HPGD: variants seen among roughly 807,000 people sequenced by gnomAD.
HPGD encodes the protein 15-hydroxyprostaglandin dehydrogenase [NAD(+)].
In HPGD, 29 loss-of-function variants were observed where a neutral mutation model predicts 30.0. The ratio of observed to expected loss-of-function variants is 0.97; its 90% confidence interval spans 0.72 to 1.32. The LOEUF is 1.32. Ranked by LOEUF, HPGD falls within the 40% of genes most tolerant of loss-of-function variation. HPGD has a pLI of 0.00. For missense variants in HPGD, 340 were observed against 322.1 expected (o/e 1.06, Z -0.43); for synonymous variants, 99 against 112.4 (o/e 0.88, Z 0.75).
At chr4:174,504,459 T>C (rs1440597776) in intron 4 of HPGD, among the ~76,000 whole-genome samples, 1 of 152,142 alleles carries the variant, frequency 6.6e-6, no homozygotes, top group Non-Finnish European at 1.5e-5. Context: ...ACTGAATATG[T>C]AGCAGGGTTG....
chr4:174,491,747 AC>A lies in HPGD; in HGVS notation c.*208del. 1 of 541,888 alleles carries A rather than the reference AC, an allele frequency of 1.8e-6. No individual in the cohort carries two copies. Among genetic ancestry groups the A allele is most frequent in the Non-Finnish European group, 3.3e-6 (1 of 302,026 alleles). The allele number at this position is 541,888 out of a possible 1,614,324, so 33.6% of individuals were successfully genotyped here. A position where few individuals can be genotyped will look rare whatever the true frequency, so the allele number is the denominator to read the frequency against. ...CATTTTTTAGACTATCAAGATTACAACCTAGCCTTTGGTCCACATCACATTT... is the reference window on the plus strand; with the variant it reads ...CATTTTTTAGACTATCAAGATTACAACTAGCCTTTGGTCCACATCACATTT... On this transcript the variant is annotated 3_prime_UTR_variant, in exon 7 of 7. Coordinates refer to ENST00000296522, the MANE Select transcript of HPGD (RefSeq NM_000860.6).
chr4:174,519,648 C>G (rs936454398), intron 2 of HPGD, among the ~76,000 whole-genome samples: 10 of 152,274 alleles, frequency 6.6e-5, no homozygotes, highest in African/African-American at 2.4e-4. Context: ...CATCTCCTGG[C>G]TCATCCTGGC....
At chr4:174,502,250 C>A (rs543796236) in intron 4 of HPGD, among the ~76,000 whole-genome samples, 1 of 152,204 alleles carries the variant, frequency 6.6e-6, no homozygotes, top group Non-Finnish European at 1.5e-5. Context: ...CGTGCATACA[C>A]CTGACCAAAG....
chr4:174,505,838 A>C (rs1411481249), intron 4 of HPGD, among the ~76,000 whole-genome samples: 4 of 152,196 alleles, frequency 2.6e-5, no homozygotes, highest in Non-Finnish European at 1.5e-5. Context: ...CAGAGGGAAC[A>C]ATGACAAACT....
At chr4:174,514,877 C>T (rs1156937905) in intron 3 of HPGD, among the ~76,000 whole-genome samples, 1 of 152,038 alleles carries the variant, frequency 6.6e-6, no homozygotes, top group African/African-American at 2.4e-5. Flanking sequence ...CAATAATGTC[C>T]AAGCTAAGAG....
At position 174,522,429 on chromosome 4, in the gene HPGD, G is replaced by A. The variant is rs986963526; in HGVS notation, c.23C>T (p.Ala8Val). The A allele has an allele frequency of 6.3e-7, 1 of 1,582,576 alleles. No individual in the cohort carries two copies. Among genetic ancestry groups the A allele is most frequent in the Non-Finnish European group, 8.6e-7 (1 of 1,165,240 alleles). Residue 8 changes from alanine to valine, a missense_variant, in exon 1 of 7, where the codon GCG becomes GTG. Physicochemically the swap from Ala to Val is moderately conservative, Grantham distance 64. Coordinates refer to ENST00000296522, the MANE Select transcript of HPGD (RefSeq NM_000860.6). ...GCCCTGAGCCGCGCCGGTCACCAGC[G>A]CCACTTTGCCGTTCACGTGCATGGT... MHVNGKV[A>V]LVTGAAQGIG...
chr4:174,509,882 C>T (rs1735388476), intron 3 of HPGD, among the ~76,000 whole-genome samples: 3 of 148,480 alleles, frequency 2.0e-5, no homozygotes, highest in African/African-American at 7.5e-5. Flanking sequence ...TGTGTAGGCA[C>T]TTTTCCTGTT....
intron 3 of HPGD, among the ~76,000 whole-genome samples, chr4:174,512,600 A>T (rs1286836042): frequency 1.3e-5 from 2 of 152,224 alleles, no homozygotes; most frequent in Non-Finnish European, 2.9e-5. Context: ...TTTGCATTAC[A>T]GTAACAGAGA....
intron 4 of HPGD, among the ~76,000 whole-genome samples, chr4:174,502,240 C>G (rs1436275530): frequency 2.0e-5 from 3 of 152,186 alleles, no homozygotes; most frequent in African/African-American, 7.2e-5. Flanking sequence ...ATCTACGATT[C>G]GTGCATACAC....
In HPGD at chr4:174,517,977, A is replaced by G; in HGVS notation, c.318T>C (p.Ile106=). The G allele has an allele frequency of 1.3e-6, 2 of 1,511,492 alleles. No homozygotes were observed. Among genetic ancestry groups the G allele is most frequent in the Non-Finnish European group, 1.8e-6 (2 of 1,087,004 alleles). The allele number at this position is 1,511,492 out of a possible 1,614,324, so 93.6% of individuals were successfully genotyped here. Reference sequence around the variant, plus strand: ...TATAGCTAAGATAACTCACCAAATTAATTTGCAGAGTTTTTTCCCAGTTTT... The same window carrying G: ...TATAGCTAAGATAACTCACCAAATTGATTTGCAGAGTTTTTTCCCAGTTTT... ...NEKNWEKTLQ[I]NLVSVISGTY... Residue 106 remains isoleucine (I), a synonymous_variant, in exon 3 of 7, where the codon ATT becomes ATC. Transcript: ENST00000296522.
At chr4:174,510,097 G>T (rs1735403619) in intron 3 of HPGD, among the ~76,000 whole-genome samples, 1 of 152,014 alleles carries the variant, frequency 6.6e-6, no homozygotes, top group Admixed American at 6.6e-5. Flanking sequence ...GATACAATAG[G>T]TAATGCGTCT....
In HPGD at chr4:174,522,405, C is replaced by T. The variant is rs557149774; in HGVS notation, c.47G>A (p.Gly16Asp). The T allele has an allele frequency of 2.1e-5, 33 of 1,583,528 alleles. No individual in the cohort carries two copies. The African/African-American group carries it at 3.8e-4, about 18-fold the overall frequency. Residue 16 changes from glycine to aspartate, a missense_variant, in exon 1 of 7, where the codon GGC (glycine) becomes GAC (aspartate). Coordinates refer to ENST00000296522, the MANE Select transcript of HPGD (RefSeq NM_000860.6). ...KVALVTGAAQ[G>D]IGRAFAEALL... Reference sequence around the variant, plus strand: ...CGCCTCTGCAAAGGCTCTGCCTATGCCCTGAGCCGCGCCGGTCACCAGCGC... The same window carrying T: ...CGCCTCTGCAAAGGCTCTGCCTATGTCCTGAGCCGCGCCGGTCACCAGCGC...
chr4:174,490,889 A>T lies in HPGD; in HGVS notation c.*1067T>A, dbSNP rs1487663336. ...TTAATTACTGCTTGCAAAGAGTTTT[A>T]CCCAAAGCAGGTGTATTTAATGATT... On this transcript the variant is annotated 3_prime_UTR_variant, in exon 7 of 7. Coordinates refer to ENST00000296522, the MANE Select transcript of HPGD (RefSeq NM_000860.6). The surrounding 1 kb of genome is among the most constrained non-coding windows in gnomAD (Gnocchi z 4.4). 2.6e-5 allele frequency: 4 copies of T among 152,372 alleles called. No individual in the cohort carries two copies. In the South Asian group the frequency reaches 8.3e-4, roughly 32 times the overall value. The allele number at this position is 152,372 out of a possible 1,614,324, so 9.4% of individuals were successfully genotyped here.
intron 3 of HPGD, among the ~76,000 whole-genome samples, chr4:174,511,096 A>G (rs1735468211): frequency 6.6e-6 from 1 of 152,204 alleles, no homozygotes; most frequent in Admixed American, 6.5e-5. Flanking sequence ...GGGAAGCTCA[A>G]TATGAGAGAA....
intron 3 of HPGD, among the ~76,000 whole-genome samples, chr4:174,516,896 T>C (rs772525777): frequency 4.6e-5 from 7 of 152,194 alleles, no homozygotes; most frequent in Non-Finnish European, 8.8e-5. Context: ...CAAGATATTA[T>C]GTTGATTACT....
chr4:174,522,093 G>A, intron 1 of HPGD, 26 bp from the exon 2 acceptor site: 2 of 1,614,058 alleles, frequency 1.2e-6, no homozygotes, highest in Non-Finnish European at 1.7e-6. Context: ...GAGGAATCGC[G>A]GGCCTGCGCA....
chr4:174,514,933 A>C (rs1019485461), intron 3 of HPGD, among the ~76,000 whole-genome samples: 1 of 152,170 alleles, frequency 6.6e-6, no homozygotes, highest in Non-Finnish European at 1.5e-5. Flanking sequence ...CAAAAAGAAT[A>C]AAATACCTAT....
intron 2 of HPGD, among the ~76,000 whole-genome samples, chr4:174,520,639 T>G (rs1309790285): frequency 6.6e-6 from 1 of 152,186 alleles, no homozygotes; most frequent in Non-Finnish European, 1.5e-5. Flanking sequence ...TTTTAAATAC[T>G]GGGAAAAAAA....
chr4:174,522,332 A>G (rs1336787459), intron 1 of HPGD, 27 bp downstream of exon 1: 7 of 1,547,294 alleles, frequency 4.5e-6, no homozygotes, highest in East Asian at 4.9e-5. Context: ...GGGCAGAGAA[A>G]TTTCCGCGGC....
Sources: allele counts gnomAD v4.1 joint callset (sites outside exome capture counted in the v4.1 genomes callset), GRCh38; gene constraint gnomAD v4.1.1; non-coding constraint Gnocchi (gnomAD v3.1); transcripts MANE v1.5; gene names NCBI Gene and HGNC (gene_info 2026-07-23, HGNC 2026-07-21).